Variants in CAMTA1 observed in about 807,000 individuals in gnomAD.
The protein encoded by CAMTA1 is calmodulin-binding transcription activator 1.
Under a neutral mutation model 170.9 loss-of-function variants are expected in CAMTA1, and 27 were observed. The observed-to-expected ratio is 0.16, with a 90% confidence interval of 0.12 to 0.22. The LOEUF (loss-of-function observed/expected upper bound fraction) is 0.22. Among genes scored for constraint, CAMTA1 ranks in the 10% least tolerant of loss-of-function variants. The pLI is 1.00. For missense variants in CAMTA1, 1,619 were observed against 2,217.2 expected (o/e 0.73, Z 5.42); for synonymous variants, 833 against 891.5 (o/e 0.93, Z 1.17).
intron 7 of CAMTA1, among the ~76,000 whole-genome samples, chr1:7,659,080 G>A (rs781708332): frequency 1.1e-4 from 16 of 152,320 alleles, no homozygotes; most frequent in Admixed American, 2.0e-4. Flanking sequence ...AGGAGGCAGA[G>A]GGTGCTGCAG....
At chr1:7,690,085 C>G (rs1432252995) in intron 11 of CAMTA1, among the ~76,000 whole-genome samples, 3 of 152,208 alleles carry the variant, frequency 2.0e-5, no homozygotes, top group African/African-American at 7.2e-5. Flanking sequence ...ATCACTTGAA[C>G]CCGGGAAGCA....
intron 3 of CAMTA1, among the ~76,000 whole-genome samples, chr1:7,038,658 T>C (rs1471681139): frequency 6.6e-6 from 1 of 152,240 alleles, no homozygotes; most frequent in African/African-American, 2.4e-5. Flanking sequence ...CAGGTAGGAA[T>C]ATCATTCATT....
At chr1:7,587,299 C>T (rs1429903518) in intron 6 of CAMTA1, among the ~76,000 whole-genome samples, 1 of 151,960 alleles carries the variant, frequency 6.6e-6, no homozygotes, top group African/African-American at 2.4e-5. Context: ...ACAGATACCC[C>T]CACCCTAGAC....
rs1684412782 is a variant in CAMTA1 at position 6,931,537 on chromosome 1, CT to C, written c.234+106329del. 3.9e-5 allele frequency among the ~76,000 whole-genome samples: 6 copies of C among 152,338 alleles called. No individual in the cohort carries two copies. The South Asian group carries it at 1.0e-3, about 26-fold the overall frequency. On this transcript the variant is annotated intron_variant, in intron 3 of 22. Transcript: ENST00000303635. ...TTTAGGAGGAGCCTTTGTACATCCT[CT>C]TCCTTCTGCTTCCTTGTTGATCTCT...
intron 4 of CAMTA1, among the ~76,000 whole-genome samples, chr1:7,194,114 T>G (rs1455166692): frequency 2.0e-5 from 3 of 152,234 alleles, no homozygotes; most frequent in Non-Finnish European, 4.4e-5. Flanking sequence ...CCTAATAATA[T>G]GAACTATTTT....
chr1:6,844,670 A>G (rs1657277571), intron 3 of CAMTA1, among the ~76,000 whole-genome samples: 1 of 135,522 alleles, frequency 7.4e-6, no homozygotes, highest in Non-Finnish European at 1.5e-5. Flanking sequence ...TGGGTGACAG[A>G]GTGAGAGAGA....
intron 3 of CAMTA1, among the ~76,000 whole-genome samples, chr1:6,881,632 A>C (rs922733694): frequency 5.3e-5 from 8 of 152,156 alleles, no homozygotes; most frequent in Non-Finnish European, 8.8e-5. Context: ...AGAGAAGGAA[A>C]GCCACCTGAG....
rs1272148059 is a variant in CAMTA1 at position 7,299,282 on chromosome 1, T to G, written c.438+49656T>G. Among the ~76,000 whole-genome samples the G allele has an allele frequency of 6.6e-6, 1 of 152,238 alleles. No individual in the cohort carries two copies. Among genetic ancestry groups the G allele is most frequent in the Non-Finnish European group, 1.5e-5 (1 of 68,044 alleles). ...CTTGATTTCTTTATATGAAACATAC[T>G]TTGTACATCTAAAAATGTTGTTGAA... On this transcript the variant is annotated intron_variant, in intron 5 of 22. Transcript: ENST00000303635. The surrounding 1 kb of genome is among the most constrained non-coding windows in gnomAD (Gnocchi z 4.7).
intron 3 of CAMTA1, among the ~76,000 whole-genome samples, chr1:6,859,405 T>G (rs1432883698): frequency 1.3e-5 from 2 of 152,208 alleles, no homozygotes; most frequent in Non-Finnish European, 2.9e-5. Flanking sequence ...CATATTTTGC[T>G]CTTACAATAA....
chr1:7,095,069 C>G (rs1330959615), intron 4 of CAMTA1, among the ~76,000 whole-genome samples: 1 of 151,668 alleles, frequency 6.6e-6, no homozygotes, highest in Non-Finnish European at 1.5e-5. Context: ...CAGCCAGCCC[C>G]CTTTCCTCCT....
intron 6 of CAMTA1, among the ~76,000 whole-genome samples, chr1:7,542,306 G>A (rs915720088): frequency 1.3e-5 from 2 of 151,606 alleles, no homozygotes; most frequent in East Asian, 3.9e-4. Flanking sequence ...ATGCCTATGG[G>A]TATTTTTTCT....
At position 6,971,648 on chromosome 1, in the gene CAMTA1, AT is replaced by A. The variant is rs1692553919; in HGVS notation, c.235-119653del. Among the ~76,000 whole-genome samples, 1 of 152,136 alleles carries A rather than the reference AT, an allele frequency of 6.6e-6. No individual in the cohort carries two copies. Among genetic ancestry groups the A allele is most frequent in the South Asian group, 2.1e-4 (1 of 4,832 alleles). Reference sequence around the variant, plus strand: ...TGAATTCCTTGTTGTGTTAGAGCTGATTTGGGGCAGGATAATGGTGTCTGTG... The same window carrying A: ...TGAATTCCTTGTTGTGTTAGAGCTGATTGGGGCAGGATAATGGTGTCTGTG... On this transcript the variant is annotated intron_variant, in intron 3 of 22. Transcript: ENST00000303635. The surrounding 1 kb of genome is among the most constrained non-coding windows in gnomAD (Gnocchi z 4.6).
chr1:7,126,291 T>C (rs891892595), intron 4 of CAMTA1, among the ~76,000 whole-genome samples: 1 of 152,148 alleles, frequency 6.6e-6, no homozygotes, highest in African/African-American at 2.4e-5. Context: ...CCTGCCTGTC[T>C]TCACCTCAGA....
At chr1:6,797,286 A>G (rs1015163960) in intron 1 of CAMTA1, among the ~76,000 whole-genome samples, 11 of 151,334 alleles carry the variant, frequency 7.3e-5, no homozygotes, top group African/African-American at 2.7e-4. Flanking sequence ...GTCTCATACT[A>G]CAGGGCTCAA....
At position 7,248,904 on chromosome 1, in the gene CAMTA1, C is replaced by T. The variant is rs114341678; in HGVS notation, c.303-587C>T. Reference sequence around the variant, plus strand: ...AGCTGAAGCCTAAATGGGAAAGAATCGGGTACTTAGCTTGCTTGAGAAGCA... The same window carrying T: ...AGCTGAAGCCTAAATGGGAAAGAATTGGGTACTTAGCTTGCTTGAGAAGCA... On this transcript the variant is annotated intron_variant, in intron 4 of 22. Coordinates refer to ENST00000303635, the MANE Select transcript of CAMTA1 (RefSeq NM_015215.4). The surrounding 1 kb of genome is among the most constrained non-coding windows in gnomAD (Gnocchi z 4.0). Among the ~76,000 whole-genome samples the T allele has an allele frequency of 7.6e-3, 1,162 of 152,264 alleles. 17 individuals are homozygous for T. Among genetic ancestry groups the T allele is most frequent in the African/African-American group, 0.026 (1,095 of 41,548 alleles).
intron 1 of CAMTA1, among the ~76,000 whole-genome samples, chr1:6,788,817 C>T (rs1640183521): frequency 6.6e-6 from 1 of 152,024 alleles, no homozygotes; most frequent in Non-Finnish European, 1.5e-5. Context: ...GAAGCTGGGC[C>T]CTTTTTCTTG....
intron 2 of CAMTA1, among the ~76,000 whole-genome samples, chr1:6,821,537 A>G (rs1646483585): frequency 6.6e-6 from 1 of 152,164 alleles, no homozygotes; most frequent in South Asian, 2.1e-4. Context: ...AGATTTAGCA[A>G]TTTGATACAC....
At position 7,682,771 on chromosome 1, in the gene CAMTA1, G is replaced by A. The variant is rs564543377; in HGVS notation, c.2914+5038G>A. On this transcript the variant is annotated intron_variant, in intron 11 of 22. Transcript: ENST00000303635. The surrounding 1 kb of genome is among the most constrained non-coding windows in gnomAD (Gnocchi z 5.0). ...GCTTTCTGCTGAGTGGGCCTGGGCC[G>A]GCCGCTCCTAGGCTGGCTCCCTCCC... 2.4e-3 allele frequency among the ~76,000 whole-genome samples: 366 copies of A among 152,332 alleles called. 5 individuals are homozygous for A. Among genetic ancestry groups the A allele is most frequent in the Non-Finnish European group, 1.5e-3 (103 of 68,022 alleles).
chr1:7,630,015 A>T (rs2095658347), intron 6 of CAMTA1, among the ~76,000 whole-genome samples: 1 of 152,072 alleles, frequency 6.6e-6, no homozygotes, highest in South Asian at 2.1e-4. Context: ...TTCGTTACTC[A>T]TTAAAATTTA....
Sources: allele counts gnomAD v4.1 joint callset (sites outside exome capture counted in the v4.1 genomes callset), GRCh38; gene constraint gnomAD v4.1.1; non-coding constraint Gnocchi (gnomAD v3.1); transcripts MANE v1.5; gene names NCBI Gene and HGNC (gene_info 2026-07-23, HGNC 2026-07-21).